The following DDAH1 variants were observed in gnomAD, a reference collection of about 807,000 sequenced individuals.
DDAH1 encodes the protein dimethylarginine dimethylaminohydrolase 1, also known as N(G),N(G)-dimethylarginine dimethylaminohydrolase 1.
In DDAH1, 19 loss-of-function variants were observed where a neutral mutation model predicts 28.8. The ratio of observed to expected loss-of-function variants is 0.66; its 90% confidence interval spans 0.46 to 0.97. The LOEUF is 0.97. Ranked by LOEUF, DDAH1 falls within the 50% of genes least tolerant of loss-of-function variation. The pLI is 0.00. For synonymous variants in DDAH1, 153 were observed against 154.4 expected (o/e 0.99, Z 0.07); for missense variants, 326 against 375.9 (o/e 0.87, Z 1.10).
chr1:85,520,231 T>A (rs2795971), intron 1 of DDAH1, among the ~76,000 whole-genome samples: 22,376 of 152,104 alleles, frequency 0.15, 2,232 homozygotes, highest in African/African-American at 0.27. Context: ...TTACCTTTTT[T>A]AATTCTGCTG....
At chr1:85,456,585 T>C (rs1654890987) in intron 1 of DDAH1, among the ~76,000 whole-genome samples, 1 of 152,266 alleles carries the variant, frequency 6.6e-6, no homozygotes, top group Non-Finnish European at 1.5e-5. Flanking sequence ...TATAGGCTAA[T>C]GTAAATGTTC....
chr1:85,488,980 A>G (rs1656295165), intron 2 of DDAH1, among the ~76,000 whole-genome samples: 1 of 152,224 alleles, frequency 6.6e-6, no homozygotes, highest in Admixed American at 6.5e-5. Context: ...AAATTAATAG[A>G]CATACGCTAT....
At chr1:85,516,197 G>A (rs1657466660) in intron 1 of DDAH1, among the ~76,000 whole-genome samples, 3 of 151,908 alleles carry the variant, frequency 2.0e-5, no homozygotes, top group South Asian at 2.1e-4. Context: ...AATTTGCTAG[G>A]GAGACTACAG....
chr1:85,475,227 C>T lies in DDAH1; in HGVS notation c.-7+20939G>A, dbSNP rs536978902. On this transcript the variant is annotated intron_variant, in intron 2 of 6. Coordinates refer to the DDAH1 transcript ENST00000426972. ...AACAAAGATTACACATATATTATGA[C>T]GTAATGAAGATTAATGAGATGATCC... Among the ~76,000 whole-genome samples, 101 of 152,062 alleles carry T rather than the reference C, an allele frequency of 6.6e-4. 1 individual carries two copies. The highest frequency in any genetic ancestry group is 3.1e-3 in the Admixed American group (48 of 15,274).
intron 1 of DDAH1, among the ~76,000 whole-genome samples, chr1:85,551,246 C>T (rs1156788354): frequency 6.6e-6 from 1 of 152,156 alleles, no homozygotes; most frequent in African/African-American, 2.4e-5. Context: ...TTAATAGTTG[C>T]TGGGGTGTGA....
chr1:85,564,207 T>G (rs570514356), intron 1 of DDAH1, among the ~76,000 whole-genome samples: 1 of 142,358 alleles, frequency 7.0e-6, no homozygotes, highest in Non-Finnish European at 1.6e-5. Flanking sequence ...AAAACTACAA[T>G]GTCTGAGATA....
chr1:85,536,712 G>A (rs552767432), intron 1 of DDAH1, among the ~76,000 whole-genome samples: 300 of 152,120 alleles, frequency 2.0e-3, no homozygotes, highest in Non-Finnish European at 3.1e-3. Flanking sequence ...CACTTGGTGG[G>A]ATCCTAAACT....
chr1:85,442,392 T>G (rs1247152469), intron 1 of DDAH1, among the ~76,000 whole-genome samples: 1 of 152,196 alleles, frequency 6.6e-6, no homozygotes, highest in Non-Finnish European at 1.5e-5. Context: ...TATTCCATGG[T>G]GTATATGTGC....
intron 2 of DDAH1, among the ~76,000 whole-genome samples, chr1:85,352,373 C>T (rs233083): frequency 0.04 from 6,147 of 152,098 alleles, 415 homozygotes; most frequent in African/African-American, 0.14. Context: ...CCCTTGATGA[C>T]CCTGAACTGG....
intron 1 of DDAH1, among the ~76,000 whole-genome samples, chr1:85,504,906 A>G (rs1164003938): frequency 4.7e-5 from 7 of 149,302 alleles, no homozygotes; most frequent in African/African-American, 1.7e-4. Context: ...CTGAATCAGA[A>G]TTTCCAGGGA....
intron 5 of DDAH1, among the ~76,000 whole-genome samples, chr1:85,322,744 G>T (rs953920130): frequency 1.3e-5 from 2 of 152,184 alleles, no homozygotes; most frequent in Non-Finnish European, 2.9e-5. Flanking sequence ...CACCCTGCCT[G>T]GCACCGGGGA....
intron 1 of DDAH1, among the ~76,000 whole-genome samples, chr1:85,445,926 A>G (rs766160918): frequency 1.3e-5 from 2 of 152,184 alleles, no homozygotes; most frequent in Non-Finnish European, 1.5e-5. Flanking sequence ...AAGCCAAATG[A>G]AGCAATCCCA....
chr1:85,570,504 T>G (rs1460069493), intron 1 of DDAH1, among the ~76,000 whole-genome samples: 1 of 152,190 alleles, frequency 6.6e-6, no homozygotes, highest in African/African-American at 2.4e-5. Context: ...AGACTGCCCG[T>G]GGCAACTCCC....
chr1:85,569,613 C>T (rs1353348069), intron 1 of DDAH1, among the ~76,000 whole-genome samples: 1 of 152,224 alleles, frequency 6.6e-6, no homozygotes, highest in African/African-American at 2.4e-5. Flanking sequence ...CCTCCACCTC[C>T]TTCTCTGGCC....
intron 1 of DDAH1, among the ~76,000 whole-genome samples, chr1:85,413,920 T>C (rs990394310): frequency 2.6e-5 from 4 of 152,240 alleles, no homozygotes; most frequent in Non-Finnish European, 5.9e-5. Context: ...GTTATATCTA[T>C]TGAATGTTGA....
intron 1 of DDAH1, among the ~76,000 whole-genome samples, chr1:85,364,913 CAAT>C (rs1413655009): frequency 6.6e-6 from 1 of 152,078 alleles, no homozygotes; most frequent in African/African-American, 2.4e-5. Context: ...TTTGTGTACT[CAAT>C]GATCCGGTCT....
At chr1:85,332,254 C>G (rs1043138919) in intron 4 of DDAH1, among the ~76,000 whole-genome samples, 3 of 152,170 alleles carry the variant, frequency 2.0e-5, no homozygotes, top group Non-Finnish European at 2.9e-5. Flanking sequence ...CAGAGGGCTG[C>G]AGGGTGCAAT....
chr1:85,514,854 T>G (rs1187027605), intron 1 of DDAH1, among the ~76,000 whole-genome samples: 2 of 152,104 alleles, frequency 1.3e-5, no homozygotes, highest in Non-Finnish European at 1.5e-5. Flanking sequence ...GTAGTTTCCA[T>G]GCTCAACACC....
intron 1 of DDAH1, among the ~76,000 whole-genome samples, chr1:85,562,355 C>T (rs1391809529): frequency 1.3e-5 from 2 of 151,870 alleles, no homozygotes; most frequent in East Asian, 3.9e-4. Context: ...CCACAAAGAC[C>T]AGTCATGTTT....
Sources: gnomAD v4.1 joint callset for allele counts (sites outside exome capture counted in the v4.1 genomes callset) on GRCh38, gnomAD v4.1.1 for gene constraint, MANE v1.5 for transcripts, NCBI Gene and HGNC (gene_info 2026-07-23, HGNC 2026-07-21) for gene names.